Variants in SLC25A40 observed in about 807,000 individuals in gnomAD.
SLC25A40 encodes the protein mitochondrial glutathione transporter SLC25A40.
Under a neutral mutation model 46.5 loss-of-function variants are expected in SLC25A40, and 41 were observed. The ratio of observed to expected loss-of-function variants is 0.88; its 90% CI spans 0.69 to 1.14. The LOEUF (loss-of-function observed/expected upper bound fraction) is 1.14. Ranked by LOEUF, SLC25A40 falls within the 50% of genes most tolerant of loss-of-function variation. The probability of loss-of-function intolerance (pLI) is 0.00; values close to 1 mark genes in which losing one functional copy is unlikely to be tolerated. For missense variants in SLC25A40, 386 were observed against 393.6 expected (o/e 0.98, Z 0.16); for synonymous variants, 126 against 127.5 (o/e 0.99, Z 0.08).
intron 10 of SLC25A40, among the ~76,000 whole-genome samples, chr7:87,841,297 A>G (rs992279346): frequency 1.3e-5 from 2 of 151,612 alleles, no homozygotes; most frequent in Admixed American, 1.3e-4. Flanking sequence ...GGACAATAAA[A>G]ATAATAATTT....
intron 1 of SLC25A40, among the ~76,000 whole-genome samples, chr7:87,871,454 C>T (rs1169881041): frequency 1.3e-5 from 2 of 152,188 alleles, no homozygotes; most frequent in African/African-American, 4.8e-5. Context: ...CCTGAGAGAT[C>T]CTGAGCTTGC....
At chr7:87,837,754 A>C (rs1385795571) in intron 10 of SLC25A40, among the ~76,000 whole-genome samples, 1 of 151,234 alleles carries the variant, frequency 6.6e-6, no homozygotes, top group Non-Finnish European at 1.5e-5. Flanking sequence ...CTACCATGTA[A>C]ACAACATGAC....
At chr7:87,856,706 A>T (rs1240732605) in intron 3 of SLC25A40, among the ~76,000 whole-genome samples, 1 of 152,198 alleles carries the variant, frequency 6.6e-6, no homozygotes. Flanking sequence ...ATAAGTAATC[A>T]ATAGCCAAAT....
Position 87,834,031 on chromosome 7 carries a change from CAATT to C in SLC25A40, c.*2214_*2217del, listed in dbSNP as rs1205783131. 4 of 151,774 alleles carry C rather than the reference CAATT, an allele frequency of 2.6e-5. No individual in the cohort carries two copies. The highest frequency in any genetic ancestry group is 5.9e-5 in the Non-Finnish European group (4 of 67,874). 9.4% of individuals were successfully genotyped at this position (151,774 alleles called of 1,614,324 possible). A position where few individuals can be genotyped will look rare whatever the true frequency, so the allele number is the denominator to read the frequency against. On this transcript the variant is annotated 3_prime_UTR_variant, in exon 12 of 12. Coordinates refer to ENST00000341119, the MANE Select transcript of SLC25A40 (RefSeq NM_018843.4). ...TTCCTTCCTAAAATTTTACATTAAT[CAATT>C]AAATGTTTATGTTAGAAAATTTAAC... is the stretch of plus-strand genomic sequence containing the variant.
At chr7:87,844,058 A>C in intron 8 of SLC25A40, 195 bp from the exon 9 acceptor site, 1 of 889,866 alleles carries the variant, frequency 1.1e-6, no homozygotes, top group Non-Finnish European at 1.3e-6. Flanking sequence ...GTAGTCCTAT[A>C]AACAAAAAAA....
intron 1 of SLC25A40, among the ~76,000 whole-genome samples, chr7:87,866,146 C>T (rs1257033186): frequency 6.6e-6 from 1 of 151,778 alleles, no homozygotes; most frequent in African/African-American, 2.4e-5. Context: ...GCCAGTTTTG[C>T]ACCTTCAAAT....
intron 5 of SLC25A40, 41 bp downstream of exon 5, chr7:87,854,163 T>C (rs1838563760): frequency 7.7e-7 from 1 of 1,304,488 alleles, no homozygotes; most frequent in Non-Finnish European, 1.1e-6. Flanking sequence ...TAAGATTAAA[T>C]AGAAAATATA....
chr7:87,870,926 C>T (rs1447779536), intron 1 of SLC25A40, among the ~76,000 whole-genome samples: 1 of 152,202 alleles, frequency 6.6e-6, no homozygotes, highest in African/African-American at 2.4e-5. Context: ...AAGGCCATCA[C>T]ACTGACCCTC....
chr7:87,854,373 G>A, intron 4 of SLC25A40, 63 bp from the exon 5 acceptor site: 1 of 947,678 alleles, frequency 1.1e-6, no homozygotes, highest in Non-Finnish European at 1.6e-6. Context: ...TTTTACAGAT[G>A]AACAAATTGA....
intron 8 of SLC25A40, 28 bp downstream of exon 8, chr7:87,846,921 T>C (rs781410345): frequency 1.3e-6 from 2 of 1,554,740 alleles, no homozygotes; most frequent in Admixed American, 4.1e-5. Context: ...ATGTAAAATT[T>C]AGTAGCTACA....
intron 5 of SLC25A40, among the ~76,000 whole-genome samples, chr7:87,853,405 G>C (rs757490423): frequency 2.1e-4 from 32 of 152,312 alleles, no homozygotes; most frequent in Non-Finnish European, 4.0e-4. Flanking sequence ...AACCAGTGTA[G>C]AAAACAGGTT....
chr7:87,866,652 G>T (rs1488321888), intron 1 of SLC25A40, among the ~76,000 whole-genome samples: 2 of 152,120 alleles, frequency 1.3e-5, no homozygotes, highest in South Asian at 4.1e-4. Context: ...ACCGCTCAGC[G>T]GCATTCCACA....
At chr7:87,855,983 T>G (rs1838608034) in intron 4 of SLC25A40, among the ~76,000 whole-genome samples, 1 of 152,150 alleles carries the variant, frequency 6.6e-6, no homozygotes, top group Non-Finnish European at 1.5e-5. Context: ...GGGCACAACT[T>G]TTGGACACAG....
intron 1 of SLC25A40, among the ~76,000 whole-genome samples, chr7:87,867,003 T>C (rs1301219286): frequency 7.6e-6 from 1 of 131,920 alleles, no homozygotes; most frequent in Non-Finnish European, 1.7e-5. Context: ...GCTTATTCTG[T>C]CTTTTTCTAA....
At position 87,836,035 on chromosome 7, in the gene SLC25A40, T is replaced by C; in HGVS notation, c.*214A>G. ...CTATTTTTACAAGAATGCTCAATGGTGGTGATTTCTAGAATATCTTTTTCA... is the reference window on the plus strand; with the variant it reads ...CTATTTTTACAAGAATGCTCAATGGCGGTGATTTCTAGAATATCTTTTTCA... On this transcript the variant is annotated 3_prime_UTR_variant, in exon 12 of 12. Transcript: ENST00000341119. 2.4e-6 allele frequency: 1 copy of C among 409,224 alleles called. No individual in the cohort carries two copies. The highest frequency in any genetic ancestry group is 3.8e-5 in the South Asian group (1 of 26,122). The allele number at this position is 409,224 out of a possible 1,614,324, so 25.3% of individuals were successfully genotyped here.
chr7:87,841,163 A>G (rs200587886), intron 10 of SLC25A40, among the ~76,000 whole-genome samples: 4,573 of 147,404 alleles, frequency 0.031, 67 homozygotes, highest in Middle Eastern at 0.052. Context: ...GTGTGTGTAT[A>G]TATATATATA....
intron 1 of SLC25A40, among the ~76,000 whole-genome samples, chr7:87,874,802 A>G (rs1040502753): frequency 2.6e-5 from 4 of 152,236 alleles, no homozygotes; most frequent in South Asian, 2.1e-4. Context: ...AGTGAAGCCC[A>G]TATGATTCCA....
At chr7:87,841,604 T>C in intron 10 of SLC25A40, 29 bp downstream of exon 10, 1 of 1,364,798 alleles carries the variant, frequency 7.3e-7, no homozygotes, top group Non-Finnish European at 9.8e-7. Context: ...AATGGCATCT[T>C]AAAAATATTT....
Position 87,833,665 on chromosome 7 carries a change from G to A in SLC25A40, c.*2584C>T, listed in dbSNP as rs1234328724. On this transcript the variant is annotated 3_prime_UTR_variant, in exon 12 of 12. Transcript: ENST00000341119. ...CCATATCCCAAAAACTTGTGCCCAAGACAAAAAGAGGGAAGAATTTAAGTT... is the reference window on the plus strand; with the variant it reads ...CCATATCCCAAAAACTTGTGCCCAAAACAAAAAGAGGGAAGAATTTAAGTT... 6.6e-6 allele frequency: 1 copy of A among 151,818 alleles called. No individual in the cohort carries two copies. Among genetic ancestry groups the A allele is most frequent in the Non-Finnish European group, 1.5e-5 (1 of 67,876 alleles). The allele number at this position is 151,818 out of a possible 1,614,324, so 9.4% of individuals were successfully genotyped here. A position where few individuals can be genotyped will look rare whatever the true frequency, so the allele number is the denominator to read the frequency against.
Sources: allele counts gnomAD v4.1 joint callset (sites outside exome capture counted in the v4.1 genomes callset), GRCh38; gene constraint gnomAD v4.1.1; transcripts MANE v1.5; gene names NCBI Gene and HGNC (gene_info 2026-07-23, HGNC 2026-07-21).